Variants in SUPT3H observed in about 807,000 individuals in gnomAD.
SUPT3H encodes the protein transcription initiation protein SPT3 homolog.
Under a neutral mutation model 44.3 loss-of-function variants are expected in SUPT3H, and 44 were observed. The observed-to-expected ratio is 0.99, with a 90% confidence interval of 0.78 to 1.28. The LOEUF (loss-of-function observed/expected upper bound fraction) is 1.28. Ranked by LOEUF, SUPT3H falls within the 50% of genes most tolerant of loss-of-function variation. The probability of loss-of-function intolerance (pLI) is 0.00; values close to 1 mark genes in which losing one functional copy is unlikely to be tolerated. For synonymous variants in SUPT3H, 124 were observed against 125.6 expected, an observed-to-expected ratio of 0.99 and a Z score of 0.09; for missense variants, 380 against 387.1, an observed-to-expected ratio of 0.98 and a Z score of 0.15.
intron 2 of SUPT3H, among the ~76,000 whole-genome samples, chr6:45,203,762 T>C (rs117544660): frequency 6.6e-6 from 1 of 152,308 alleles, no homozygotes; most frequent in East Asian, 1.9e-4. Flanking sequence ...CAGTTTTTCA[T>C]ACAACCTATT....
rs1273481795 is a variant in SUPT3H at position 45,117,076 on chromosome 6, AT to A, written c.102-11071del. On this transcript the variant is annotated intron_variant, in intron 2 of 10. Transcript: ENST00000371459. ...CTTGAATCAGAGTAGTTTGGCATTT[AT>A]TTGATTTATATATTTAGGTCCTACC... Among the ~76,000 whole-genome samples the A allele has an allele frequency of 2.0e-5, 3 of 152,112 alleles. No homozygotes were observed. In the East Asian group the frequency reaches 5.8e-4, roughly 29 times the overall value.
At chr6:45,148,173 T>G (rs1291789145) in intron 2 of SUPT3H, among the ~76,000 whole-genome samples, 2 of 152,168 alleles carry the variant, frequency 1.3e-5, no homozygotes, top group Non-Finnish European at 2.9e-5. Context: ...CCAGATGGGA[T>G]GATTTCTAAA....
intron 11 of SUPT3H, among the ~76,000 whole-genome samples, chr6:44,815,845 C>G (rs538864): frequency 0.99 from 149,853 of 151,750 alleles, 74,029 homozygotes; most frequent in East Asian, 1. Flanking sequence ...CATGGTTTTT[C>G]CCATTACTAT....
At chr6:44,915,310 G>T (rs1253774342) in intron 10 of SUPT3H, among the ~76,000 whole-genome samples, 1 of 152,174 alleles carries the variant, frequency 6.6e-6, no homozygotes, top group Non-Finnish European at 1.5e-5. Context: ...TGGCGACCAA[G>T]ATTTCACAAT....
chr6:45,340,475 C>A (rs987441063), intron 2 of SUPT3H, among the ~76,000 whole-genome samples: 10 of 152,002 alleles, frequency 6.6e-5, no homozygotes, highest in Admixed American at 5.9e-4. Context: ...AGGCACGCAC[C>A]ACCACGCCCA....
Position 45,179,427 on chromosome 6 carries a change from T to C in SUPT3H, c.102-73421A>G, listed in dbSNP as rs563139551. 3.9e-3 allele frequency among the ~76,000 whole-genome samples: 587 copies of C among 152,154 alleles called. 1 individual carries two copies. The highest frequency in any genetic ancestry group is 6.9e-3 in the Non-Finnish European group (466 of 67,948). On this transcript the variant is annotated intron_variant, in intron 2 of 10. Coordinates refer to ENST00000371459, the MANE Select transcript of SUPT3H (RefSeq NM_003599.4). The stretch of plus-strand genomic sequence containing the variant: ...AAAGCCGGGCAGAGACACAACCAAA[T>C]AGGAGAATTTTAGACCAATATCCTT...
At chr6:45,061,449 G>A (rs935039181) in intron 3 of SUPT3H, among the ~76,000 whole-genome samples, 1 of 152,124 alleles carries the variant, frequency 6.6e-6, no homozygotes, top group African/African-American at 2.4e-5. Context: ...TTTAGAGGGG[G>A]CAGGGAGAGG....
intron 10 of SUPT3H, among the ~76,000 whole-genome samples, chr6:44,905,953 C>A (rs1285758017): frequency 1.3e-5 from 2 of 152,078 alleles, no homozygotes; most frequent in Non-Finnish European, 2.9e-5. Flanking sequence ...CATGTTCTCA[C>A]TCACAGGTGG....
intron 6 of SUPT3H, among the ~76,000 whole-genome samples, chr6:44,970,524 T>C (rs1488707820): frequency 2.0e-5 from 3 of 151,976 alleles, no homozygotes; most frequent in Non-Finnish European, 2.9e-5. Context: ...TTTTAAGTAA[T>C]AGAACACTGA....
At chr6:45,208,623 C>T (rs1001605226) in intron 2 of SUPT3H, among the ~76,000 whole-genome samples, 1 of 151,582 alleles carries the variant, frequency 6.6e-6, no homozygotes, top group Non-Finnish European at 1.5e-5. Flanking sequence ...GTTCAGGACG[C>T]TGAGACAGGA....
intron 6 of SUPT3H, among the ~76,000 whole-genome samples, chr6:44,978,355 G>A (rs1778626954): frequency 6.6e-6 from 1 of 152,122 alleles, no homozygotes; most frequent in Non-Finnish European, 1.5e-5. Flanking sequence ...GTAGTAATTT[G>A]TCCAGGTTAG....
At chr6:45,337,481 AT>A (rs1472026349) in intron 2 of SUPT3H, among the ~76,000 whole-genome samples, 1 of 151,618 alleles carries the variant, frequency 6.6e-6, no homozygotes, top group African/African-American at 2.4e-5. Context: ...AGAAAATCTT[AT>A]TTTTTTAAGC....
chr6:44,809,159 T>C (rs1340853772), downstream of SUPT3H, among the ~76,000 whole-genome samples: 1 of 152,214 alleles, frequency 6.6e-6, no homozygotes, highest in South Asian at 2.1e-4. Flanking sequence ...AATCAAGTTG[T>C]TTATTAGTCT....
At chr6:45,324,701 A>T (rs17209741) in intron 2 of SUPT3H, among the ~76,000 whole-genome samples, 33,278 of 151,836 alleles carry the variant, frequency 0.22, 4,455 homozygotes, top group Non-Finnish European at 0.31. Flanking sequence ...ACATAATCTC[A>T]CATTTAGACA....
In SUPT3H at chr6:45,014,810, G is replaced by A; in HGVS notation, c.355C>T (p.Leu119Phe). The change falls in exon 5 of 11, where the codon CTT becomes TTT. Residue 119 changes from leucine to phenylalanine, a missense_variant. By Grantham distance (22) the Leu-to-Phe change is conservative (BLOSUM62 0). Transcript: ENST00000371459. ...GTTTTGTTTTGGTTACCTTCGAGAA[G>A]ATCATCCTCATCGATGCCTTTGACA... ...KIVKGIDEDD[L>F]LEDKLSGSNN... The A allele has an allele frequency of 2.5e-6, 4 of 1,587,104 alleles. No individual in the cohort carries two copies. The highest frequency in any genetic ancestry group is 3.4e-6 in the Non-Finnish European group (4 of 1,168,670).
chr6:44,933,336 TA>T (rs758674756), intron 9 of SUPT3H, among the ~76,000 whole-genome samples: 1 of 152,114 alleles, frequency 6.6e-6, no homozygotes, highest in Non-Finnish European at 1.5e-5. Context: ...GCCGCATCTG[TA>T]AAAGGCAGGT....
At chr6:45,262,838 G>C (rs985497808) in intron 2 of SUPT3H, among the ~76,000 whole-genome samples, 3 of 152,092 alleles carry the variant, frequency 2.0e-5, no homozygotes, top group Admixed American at 6.6e-5. Flanking sequence ...GACATGAACA[G>C]GAGCTTCTTA....
Position 45,177,394 on chromosome 6 carries a change from A to T in SUPT3H, c.102-71388T>A, listed in dbSNP as rs571350808. The stretch of plus-strand genomic sequence containing the variant: ...AAAAAGAATAAAAAGAAACGAGTAA[A>T]GCCTCCAAGAAATATGGGACTATGT... On this transcript the variant is annotated intron_variant, in intron 2 of 10. Transcript: ENST00000371459. Among the ~76,000 whole-genome samples, 346 of 152,318 alleles carry T rather than the reference A, an allele frequency of 2.3e-3. 5 individuals are homozygous for T. Among genetic ancestry groups the T allele is most frequent in the Admixed American group, 0.02 (308 of 15,298 alleles).
intron 3 of SUPT3H, among the ~76,000 whole-genome samples, chr6:45,034,132 G>A (rs760200359): frequency 1.2e-4 from 18 of 152,032 alleles, no homozygotes; most frequent in Non-Finnish European, 2.5e-4. Context: ...AGATTGTGGT[G>A]CCTCCTCACC....
Sources: gnomAD v4.1 joint callset for allele counts (sites outside exome capture counted in the v4.1 genomes callset) on GRCh38, gnomAD v4.1.1 for gene constraint, MANE v1.5 for transcripts, NCBI Gene and HGNC (gene_info 2026-07-23, HGNC 2026-07-21) for gene names.